The following OXR1 variants were observed in gnomAD, a reference collection of about 807,000 sequenced individuals.
OXR1 encodes the protein oxidation resistance 1, also known as oxidation resistance protein 1.
Under a neutral mutation model 104.6 loss-of-function variants are expected in OXR1, and 41 were observed. That is an observed-to-expected ratio of 0.39 (90% confidence interval 0.31 to 0.51). The LOEUF (loss-of-function observed/expected upper bound fraction) is 0.51. OXR1 is among the 20% of genes least tolerant of loss of function. The probability of loss-of-function intolerance (pLI) is 0.77; values close to 1 mark genes in which losing one functional copy is unlikely to be tolerated. For missense variants in OXR1, 955 were observed against 1,031.9 expected (o/e 0.93, Z 1.02); for synonymous variants, 348 against 348.4 (o/e 1.00, Z 0.01).
intron 2 of OXR1, among the ~76,000 whole-genome samples, chr8:106,400,567 AT>A (rs1264624264): frequency 6.6e-6 from 1 of 152,150 alleles, no homozygotes; most frequent in African/African-American, 2.4e-5. Flanking sequence ...TTAAACTTTT[AT>A]TTTTTAATTA....
At chr8:106,653,321 T>C (rs973518973) in intron 3 of OXR1, among the ~76,000 whole-genome samples, 1 of 151,660 alleles carries the variant, frequency 6.6e-6, no homozygotes, top group Non-Finnish European at 1.5e-5. Flanking sequence ...GGAAGAAAAG[T>C]ATAAACCAAT....
At chr8:106,562,443 C>G (rs1816750587) in intron 3 of OXR1, among the ~76,000 whole-genome samples, 1 of 152,076 alleles carries the variant, frequency 6.6e-6, no homozygotes, top group Non-Finnish European at 1.5e-5. Flanking sequence ...AGTGAATGAA[C>G]AAAGCCTCCT....
chr8:106,658,356 C>G (rs1825379693), intron 3 of OXR1, among the ~76,000 whole-genome samples: 1 of 152,178 alleles, frequency 6.6e-6, no homozygotes, highest in African/African-American at 2.4e-5. Flanking sequence ...GAAGGAAGGA[C>G]TCGTTCGGCT....
intron 10 of OXR1, among the ~76,000 whole-genome samples, chr8:106,711,285 C>G (rs531927403): frequency 1.1e-4 from 16 of 152,158 alleles, no homozygotes; most frequent in Admixed American, 6.6e-4. Context: ...ATTGTACTAT[C>G]TTGTCAATTT....
rs118074296 is a variant in OXR1, at chr8:106,464,490, A to C, written c.24-54453A>C. Among the ~76,000 whole-genome samples, 3 of 152,190 alleles carry C rather than the reference A, an allele frequency of 2.0e-5. No homozygotes were observed. The East Asian group carries it at 5.8e-4, about 29-fold the overall frequency. ...AAATTGAAACAAAGACATAAAGAAGAAACTATTCATTTCCTGACTTCTATT... is the reference window on the plus strand; with the variant it reads ...AAATTGAAACAAAGACATAAAGAAGCAACTATTCATTTCCTGACTTCTATT... On this transcript the variant is annotated intron_variant, in intron 2 of 16. Coordinates refer to ENST00000517566, the MANE Select transcript of OXR1 (RefSeq NM_001198533.2).
At chr8:106,593,554 G>A (rs377563510) in intron 3 of OXR1, among the ~76,000 whole-genome samples, 13 of 152,148 alleles carry the variant, frequency 8.5e-5, no homozygotes, top group Non-Finnish European at 1.5e-4. Flanking sequence ...CAAGGCGGGC[G>A]GATCATGAGG....
At chr8:106,317,288 A>C (rs1190229168) in intron 1 of OXR1, among the ~76,000 whole-genome samples, 1 of 152,184 alleles carries the variant, frequency 6.6e-6, no homozygotes, top group Non-Finnish European at 1.5e-5. Context: ...TAACGCTTGC[A>C]TTTTTATGTT....
At chr8:106,464,906 C>A (rs1821095388) in intron 2 of OXR1, among the ~76,000 whole-genome samples, 1 of 151,866 alleles carries the variant, frequency 6.6e-6, no homozygotes, top group African/African-American at 2.4e-5. Context: ...CTCATTCATT[C>A]ATTCAATGAG....
chr8:106,727,185 G>GT (rs1406617312), intron 11 of OXR1, among the ~76,000 whole-genome samples: 1 of 151,840 alleles, frequency 6.6e-6, no homozygotes, highest in Non-Finnish European at 1.5e-5. Context: ...AGATAAATCA[G>GT]TTAACACCGT....
chr8:106,360,077 T>C (rs552787094), intron 2 of OXR1, among the ~76,000 whole-genome samples: 11 of 152,258 alleles, frequency 7.2e-5, no homozygotes, highest in Non-Finnish European at 5.9e-5. Context: ...TTAAACTGAA[T>C]AGAACTGAAA....
chr8:106,450,517 G>C (rs1459833692), intron 2 of OXR1, among the ~76,000 whole-genome samples: 1 of 152,178 alleles, frequency 6.6e-6, no homozygotes, highest in African/African-American at 2.4e-5. Flanking sequence ...AGCAGGAAAA[G>C]AGAGGCAGCT....
At chr8:106,496,754 G>A (rs1811439538) in intron 2 of OXR1, among the ~76,000 whole-genome samples, 1 of 152,174 alleles carries the variant, frequency 6.6e-6, no homozygotes, top group South Asian at 2.1e-4. Flanking sequence ...AGAGAAGATG[G>A]TCTGCTAATA....
At chr8:106,344,948 T>G (rs1003169720) in intron 1 of OXR1, among the ~76,000 whole-genome samples, 2 of 152,224 alleles carry the variant, frequency 1.3e-5, no homozygotes, top group Non-Finnish European at 2.9e-5. Context: ...AAGTGTCGTC[T>G]TCTTAGTGAA....
intron 4 of OXR1, among the ~76,000 whole-genome samples, chr8:106,681,495 C>T (rs1355774060): frequency 1.3e-5 from 2 of 151,988 alleles, no homozygotes; most frequent in Non-Finnish European, 2.9e-5. Flanking sequence ...TCTTCTATAA[C>T]CTAATTCTAA....
At chr8:106,692,628 C>A in intron 6 of OXR1, 100 bp from the exon 7 acceptor site, 1 of 616,518 alleles carries the variant, frequency 1.6e-6, no homozygotes, top group Non-Finnish European at 2.5e-6. Flanking sequence ...AATGAAACAA[C>A]ACTTATTGGG....
At chr8:106,708,343 G>A (rs1324814589) in intron 9 of OXR1, among the ~76,000 whole-genome samples, 1 of 152,156 alleles carries the variant, frequency 6.6e-6, no homozygotes, top group Admixed American at 6.6e-5. Context: ...AGGCTGCTAT[G>A]AGCCATGATC....
intron 1 of OXR1, among the ~76,000 whole-genome samples, chr8:106,320,300 C>T (rs1003100595): frequency 2.0e-5 from 3 of 152,172 alleles, no homozygotes. Context: ...GTTACATCCA[C>T]TCCTGCGTCA....
intron 1 of OXR1, among the ~76,000 whole-genome samples, chr8:106,326,400 T>C (rs1241839512): frequency 6.6e-6 from 1 of 152,186 alleles, no homozygotes; most frequent in Non-Finnish European, 1.5e-5. Context: ...GTAAGTAAAC[T>C]ATATTGAAAA....
intron 2 of OXR1, among the ~76,000 whole-genome samples, chr8:106,443,268 A>ATTAC (rs1819867161): frequency 6.6e-6 from 1 of 151,896 alleles, no homozygotes; most frequent in Non-Finnish European, 1.5e-5. Flanking sequence ...GTACTGAGAG[A>ATTAC]CTGTTTATTA....
Sources: allele counts gnomAD v4.1 joint callset (sites outside exome capture counted in the v4.1 genomes callset), GRCh38; gene constraint gnomAD v4.1.1; transcripts MANE v1.5; gene names NCBI Gene and HGNC (gene_info 2026-07-23, HGNC 2026-07-21).